FRMD6: variants seen among roughly 807,000 people sequenced by gnomAD.
FRMD6 encodes FERM domain-containing protein 6.
FRMD6 carries 37 observed loss-of-function variants against 73.2 expected under a neutral mutation model. The ratio of observed to expected loss-of-function variants is 0.51; its 90% CI spans 0.39 to 0.66. The LOEUF is 0.66. Among genes scored for constraint, FRMD6 ranks in the 30% least tolerant of loss-of-function variants. The pLI, the probability that FRMD6 is intolerant of heterozygous loss-of-function variation, is 0.00. For missense variants in FRMD6, 714 were observed against 780.5 expected (o/e 0.91, Z 1.02); for synonymous variants, 273 against 282.2 (o/e 0.97, Z 0.33).
At chr14:51,719,631 T>A (rs371664810) in intron 10 of FRMD6, among the ~76,000 whole-genome samples, 2 of 152,224 alleles carry the variant, frequency 1.3e-5, no homozygotes, top group African/African-American at 4.8e-5. Context: ...GCCAGATTTT[T>A]AAAATATTTA....
chr14:51,562,900 G>A (rs774674859), intron 1 of FRMD6, among the ~76,000 whole-genome samples: 5 of 152,166 alleles, frequency 3.3e-5, no homozygotes, highest in African/African-American at 9.7e-5. Flanking sequence ...GAATTCAGAC[G>A]GGACATAGTA....
At chr14:51,426,306 G>C in the FRMD6 span, among the ~76,000 whole-genome samples, 1 of 151,988 alleles carries the variant, frequency 6.6e-6, no homozygotes, top group Non-Finnish European at 1.5e-5. Context: ...TAGTCACGTG[G>C]TGTCTCAGCC....
At chr14:51,463,998 C>T in the FRMD6 span, among the ~76,000 whole-genome samples, 3 of 152,078 alleles carry the variant, frequency 2.0e-5, no homozygotes, top group Admixed American at 1.3e-4. Flanking sequence ...GTTTTAGAGA[C>T]GGGGTTTCGC....
chr14:51,680,616 CT>C (rs201708669), intron 1 of FRMD6, among the ~76,000 whole-genome samples: 9 of 151,066 alleles, frequency 6.0e-5, no homozygotes, highest in Non-Finnish European at 1.2e-4. Context: ...CTTTTTCTTG[CT>C]TTTTTTTTCT....
chr14:51,465,323 C>T, the FRMD6 span, among the ~76,000 whole-genome samples: 1 of 152,058 alleles, frequency 6.6e-6, no homozygotes, highest in Non-Finnish European at 1.5e-5. Context: ...TAAAATGTAC[C>T]ATTAGATGAG....
intron 1 of FRMD6, among the ~76,000 whole-genome samples, chr14:51,667,394 A>C (rs982231123): frequency 6.6e-6 from 1 of 152,162 alleles, no homozygotes; most frequent in African/African-American, 2.4e-5. Flanking sequence ...CCTGAAAAAA[A>C]CTCGGCAGTG....
chr14:51,462,541 T>C, the FRMD6 span, among the ~76,000 whole-genome samples: 587 of 152,252 alleles, frequency 3.9e-3, 2 homozygotes, highest in East Asian at 8.5e-3. Flanking sequence ...TGAGACCAAA[T>C]GGGTAGACCC....
intron 7 of FRMD6, among the ~76,000 whole-genome samples, chr14:51,708,575 C>CTTTTTTTATAA (rs1413018575): frequency 9.2e-5 from 14 of 152,104 alleles, no homozygotes; most frequent in Non-Finnish European, 1.8e-4. Flanking sequence ...GCATTTGCAA[C>CTTTTTTTATAA]TTCTTTGATA....
chr14:51,513,478 C>G (rs1479185322), intron 1 of FRMD6, among the ~76,000 whole-genome samples: 1 of 152,168 alleles, frequency 6.6e-6, no homozygotes, highest in Non-Finnish European at 1.5e-5. Context: ...TCAGAAAACC[C>G]CGGGCCAGGC....
intron 2 of FRMD6, among the ~76,000 whole-genome samples, chr14:51,593,615 A>T (rs1244071117): frequency 6.6e-6 from 1 of 152,164 alleles, no homozygotes. Flanking sequence ...TGTAGTGAGC[A>T]CATGACTGTG....
At chr14:51,489,644 A>G (rs375193909) in intron 1 of FRMD6, among the ~76,000 whole-genome samples, 6 of 152,186 alleles carry the variant, frequency 3.9e-5, no homozygotes, top group South Asian at 2.1e-4. Context: ...GGGTTGTCCA[A>G]TGTAACAGCC....
intron 1 of FRMD6, among the ~76,000 whole-genome samples, chr14:51,517,864 G>A (rs913019736): frequency 6.2e-5 from 8 of 129,362 alleles, no homozygotes; most frequent in African/African-American, 1.5e-4. Flanking sequence ...AAGCTTGAAC[G>A]GGGGTGATGA....
chr14:51,501,544 G>A (rs1339007876), intron 1 of FRMD6, among the ~76,000 whole-genome samples: 3 of 152,132 alleles, frequency 2.0e-5, no homozygotes, highest in Non-Finnish European at 4.4e-5. Flanking sequence ...CAAAGGACAT[G>A]ATTCTGTTCC....
intron 1 of FRMD6, among the ~76,000 whole-genome samples, chr14:51,505,818 C>G (rs1465117): frequency 6.8e-4 from 103 of 152,284 alleles, no homozygotes; most frequent in African/African-American, 2.3e-3. Context: ...TTTCTCTGCT[C>G]TAACCCCGCA....
intron 1 of FRMD6, among the ~76,000 whole-genome samples, chr14:51,539,068 T>C (rs2139358466): frequency 6.6e-6 from 1 of 152,282 alleles, no homozygotes; most frequent in East Asian, 1.9e-4. Flanking sequence ...ATGGGCTTTT[T>C]CTATTTTTGA....
the FRMD6 span, among the ~76,000 whole-genome samples, chr14:51,461,721 G>A: frequency 6.6e-6 from 1 of 152,206 alleles, no homozygotes; most frequent in Non-Finnish European, 1.5e-5. Flanking sequence ...GCTGGTCAAT[G>A]TAAGAATCAA....
At chr14:51,541,580 T>A (rs1232534131) in intron 1 of FRMD6, among the ~76,000 whole-genome samples, 1 of 152,056 alleles carries the variant, frequency 6.6e-6, no homozygotes, top group African/African-American at 2.4e-5. Flanking sequence ...TTCAAGGATC[T>A]TGGCTGTGTA....
the FRMD6 span, among the ~76,000 whole-genome samples, chr14:51,448,112 C>T: frequency 2.0e-5 from 3 of 152,088 alleles, no homozygotes; most frequent in South Asian, 4.1e-4. Context: ...TGCAAATTTC[C>T]TTGTAGTTAA....
chr14:51,566,463 T>C (rs1596615161), intron 1 of FRMD6, among the ~76,000 whole-genome samples: 1 of 152,222 alleles, frequency 6.6e-6, no homozygotes, highest in African/African-American at 2.4e-5. Context: ...AAAAATTCTT[T>C]GTAAAATAGG....
Sources: gnomAD v4.1 joint callset for allele counts (sites outside exome capture counted in the v4.1 genomes callset) on GRCh38, gnomAD v4.1.1 for gene constraint, MANE v1.5 for transcripts, NCBI Gene and HGNC (gene_info 2026-07-23, HGNC 2026-07-21) for gene names.